The following CDK14 variants were observed in gnomAD, a reference collection of about 807,000 sequenced individuals.
CDK14 encodes the protein cyclin-dependent kinase 14.
A neutral mutation model predicts 60.7 loss-of-function variants in CDK14; 34 were observed. The ratio of observed to expected loss-of-function variants is 0.56; its 90% CI spans 0.43 to 0.75. The LOEUF is 0.75. Among genes scored for constraint, CDK14 ranks in the 30% least tolerant of loss-of-function variants. The pLI is 0.00. For synonymous variants in CDK14, 197 were observed against 203.7 expected (o/e 0.97, Z 0.28); for missense variants, 482 against 564.1 (o/e 0.85, Z 1.47).
chr7:90,782,921 A>G (rs1445519001), intron 4 of CDK14, among the ~76,000 whole-genome samples: 2 of 152,156 alleles, frequency 1.3e-5, no homozygotes, highest in East Asian at 3.8e-4. Flanking sequence ...AGGATAGACT[A>G]TCAAGCCAGT....
intron 5 of CDK14, among the ~76,000 whole-genome samples, chr7:90,808,533 C>T (rs538883976): frequency 8.5e-5 from 13 of 152,274 alleles, no homozygotes; most frequent in African/African-American, 3.1e-4. Flanking sequence ...TAAAGACCAT[C>T]GAGGCTAGGA....
chr7:91,090,994 GTT>G (rs1007589064), intron 12 of CDK14, among the ~76,000 whole-genome samples: 6 of 24,208 alleles, frequency 2.5e-4, no homozygotes, highest in Admixed American at 1.9e-3. Context: ...AGTTGGTTTT[GTT>G]TGTGTGTGTG....
intron 14 of CDK14, among the ~76,000 whole-genome samples, chr7:91,171,668 A>T (rs1166524482): frequency 6.6e-6 from 1 of 151,994 alleles, no homozygotes; most frequent in Non-Finnish European, 1.5e-5. Context: ...TTTTTTTGAG[A>T]TGGAGTCTCA....
At chr7:90,646,764 C>T (rs1205881871) in intron 2 of CDK14, among the ~76,000 whole-genome samples, 2 of 152,124 alleles carry the variant, frequency 1.3e-5, no homozygotes, top group African/African-American at 4.8e-5. Context: ...GCATGCTATT[C>T]ATCGTATGGA....
At chr7:90,664,403 T>A (rs966883684) in intron 2 of CDK14, among the ~76,000 whole-genome samples, 2 of 152,114 alleles carry the variant, frequency 1.3e-5, no homozygotes, top group Non-Finnish European at 2.9e-5. Context: ...GATCTAGAAC[T>A]AGAAATACCA....
intron 2 of CDK14, among the ~76,000 whole-genome samples, chr7:90,626,681 T>A (rs1001657357): frequency 6.6e-6 from 1 of 152,218 alleles, no homozygotes; most frequent in Non-Finnish European, 1.5e-5. Flanking sequence ...GGCTCAGGCC[T>A]ATAATCCTAG....
chr7:91,133,808 G>A (rs1002399328), intron 14 of CDK14, among the ~76,000 whole-genome samples: 10 of 152,026 alleles, frequency 6.6e-5, no homozygotes, highest in South Asian at 4.2e-4. Flanking sequence ...GTTCTTTGAC[G>A]CTATCTCATT....
chr7:91,082,191 A>G (rs1798500852), intron 12 of CDK14, among the ~76,000 whole-genome samples: 1 of 152,256 alleles, frequency 6.6e-6, no homozygotes, highest in Non-Finnish European at 1.5e-5. Flanking sequence ...TGGCTGGAGA[A>G]GAAGCCTTAG....
chr7:90,872,999 A>G (rs17397351), intron 6 of CDK14, among the ~76,000 whole-genome samples: 25,479 of 152,204 alleles, frequency 0.17, 2,350 homozygotes, highest in Middle Eastern at 0.28. Context: ...AAACAGTAAT[A>G]AAAAGATAAT....
chr7:90,680,212 A>G (rs1801285909), intron 2 of CDK14, among the ~76,000 whole-genome samples: 1 of 152,182 alleles, frequency 6.6e-6, no homozygotes, highest in Non-Finnish European at 1.5e-5. Flanking sequence ...ATTGTGAAAT[A>G]TTAGCTCAGC....
intron 10 of CDK14, among the ~76,000 whole-genome samples, chr7:91,015,344 T>C (rs576033466): frequency 1.3e-5 from 2 of 152,210 alleles, no homozygotes; most frequent in Admixed American, 1.3e-4. Context: ...AGCCCCAGGA[T>C]GCTCTTCCTT....
At chr7:90,812,733 A>G (rs911837164) in intron 5 of CDK14, among the ~76,000 whole-genome samples, 2 of 152,346 alleles carry the variant, frequency 1.3e-5, no homozygotes, top group African/African-American at 4.8e-5. Context: ...CTGCACACCC[A>G]GTATAACGGT....
intron 3 of CDK14, among the ~76,000 whole-genome samples, chr7:90,735,549 C>T (rs980792323): frequency 3.3e-5 from 5 of 152,234 alleles, no homozygotes; most frequent in African/African-American, 9.6e-5. Flanking sequence ...TGGCCACCAG[C>T]GGCCTTTGGC....
intron 14 of CDK14, among the ~76,000 whole-genome samples, chr7:91,146,058 A>C (rs1207066794): frequency 4.6e-5 from 7 of 152,176 alleles, no homozygotes; most frequent in Non-Finnish European, 7.3e-5. Flanking sequence ...TATCTCTCAA[A>C]ATAGACAATG....
chr7:90,624,920 G>A (rs1799845494), intron 2 of CDK14, among the ~76,000 whole-genome samples: 1 of 152,168 alleles, frequency 6.6e-6, no homozygotes, highest in African/African-American at 2.4e-5. Context: ...GCTATGTGAA[G>A]CTTAACATCT....
At chr7:90,812,506 T>C (rs1458129007) in intron 5 of CDK14, among the ~76,000 whole-genome samples, 1 of 152,132 alleles carries the variant, frequency 6.6e-6, no homozygotes, top group African/African-American at 2.4e-5. Flanking sequence ...TTAGGAGATA[T>C]ACCTAATGTT....
At chr7:91,192,733 T>G (rs926116237) in intron 14 of CDK14, among the ~76,000 whole-genome samples, 3 of 152,182 alleles carry the variant, frequency 2.0e-5, no homozygotes, top group African/African-American at 7.2e-5. Flanking sequence ...TAATTTCCAT[T>G]TATCTTTAAT....
At chr7:90,802,938 G>C (rs1426547491) in intron 5 of CDK14, among the ~76,000 whole-genome samples, 2 of 151,998 alleles carry the variant, frequency 1.3e-5, no homozygotes, top group Non-Finnish European at 2.9e-5. Context: ...ATTTATTTCT[G>C]CTTGTGTGTT....
At chr7:90,647,152 G>A (rs1800486649) in intron 2 of CDK14, among the ~76,000 whole-genome samples, 1 of 151,998 alleles carries the variant, frequency 6.6e-6, no homozygotes, top group Non-Finnish European at 1.5e-5. Context: ...TGAACTATAG[G>A]CTGCTTTCAA....
Sources: allele counts gnomAD v4.1 joint callset (sites outside exome capture counted in the v4.1 genomes callset), GRCh38; gene constraint gnomAD v4.1.1; transcripts MANE v1.5; gene names NCBI Gene and HGNC (gene_info 2026-07-23, HGNC 2026-07-21).